DSCAM: variants seen among roughly 807,000 people sequenced by gnomAD.
DSCAM encodes DS cell adhesion molecule, also known as cell adhesion molecule DSCAM.
In DSCAM, 47 loss-of-function variants were observed where a neutral mutation model predicts 217.7. The observed-to-expected ratio is 0.22, with a 90% confidence interval of 0.17 to 0.28. DSCAM has a LOEUF of 0.28. DSCAM is among the 10% of genes least tolerant of loss of function. DSCAM has a pLI of 1.00. For synonymous variants in DSCAM, 1,056 were observed against 1,015.3 expected (o/e 1.04, Z -0.76); for missense variants, 2,080 against 2,618.3 (o/e 0.79, Z 4.49).
intron 3 of DSCAM, among the ~76,000 whole-genome samples, chr21:40,538,057 A>C (rs1467423457): frequency 6.6e-6 from 1 of 152,142 alleles, no homozygotes; most frequent in Non-Finnish European, 1.5e-5. Flanking sequence ...GAGAATGAGT[A>C]AAGGGATGGA....
At chr21:40,096,566 T>C (rs1487701526) in intron 20 of DSCAM, among the ~76,000 whole-genome samples, 1 of 152,042 alleles carries the variant, frequency 6.6e-6, no homozygotes, top group Admixed American at 6.6e-5. Flanking sequence ...AACATGCACA[T>C]AGTGGAGTTC....
At chr21:40,654,761 C>T (rs2090054786) in intron 3 of DSCAM, among the ~76,000 whole-genome samples, 1 of 152,146 alleles carries the variant, frequency 6.6e-6, no homozygotes, top group African/African-American at 2.4e-5. Flanking sequence ...CTTATAATGA[C>T]CCTTGAACAA....
intron 14 of DSCAM, among the ~76,000 whole-genome samples, chr21:40,184,023 T>C (rs955244160): frequency 1.3e-5 from 2 of 152,082 alleles, no homozygotes; most frequent in African/African-American, 2.4e-5. Context: ...CTATGGCCCA[T>C]AGGGGGACAA....
chr21:40,125,640 GA>G (rs1338396740), intron 19 of DSCAM, among the ~76,000 whole-genome samples: 1 of 152,176 alleles, frequency 6.6e-6, no homozygotes, highest in East Asian at 1.9e-4. Flanking sequence ...GTCACCATTT[GA>G]AAATATAAAA....
rs1555896566 is a variant in DSCAM, at chr21:40,266,647, A to ATATATATATATATT, written c.2356+9449_2356+9450insAATATATATATATA. Among the ~76,000 whole-genome samples, 1,038 of 116,136 alleles carry ATATATATATATATT rather than the reference A, an allele frequency of 8.9e-3. 27 individuals are homozygous for ATATATATATATATT. The highest frequency in any genetic ancestry group is 0.038 in the African/African-American group (940 of 25,022). 76.2% of individuals were successfully genotyped at this position (116,136 alleles called of 152,430 possible). A position where few individuals can be genotyped will look rare whatever the true frequency, so the allele number is the denominator to read the frequency against. ...GGACAAAGATGTTTTATATATATAT[A>ATATATATATATATT]TATATATATATATATATATATATAA... On this transcript the variant is annotated intron_variant, in intron 11 of 32. Coordinates refer to ENST00000400454, the MANE Select transcript of DSCAM (RefSeq NM_001389.5).
At chr21:40,623,467 G>A (rs1038491216) in intron 3 of DSCAM, among the ~76,000 whole-genome samples, 2 of 152,180 alleles carry the variant, frequency 1.3e-5, no homozygotes, top group Non-Finnish European at 2.9e-5. Context: ...ATTCCAAACT[G>A]GATCAAAGAG....
chr21:40,633,553 T>C (rs2089719367), intron 3 of DSCAM, among the ~76,000 whole-genome samples: 1 of 152,200 alleles, frequency 6.6e-6, no homozygotes, highest in South Asian at 2.1e-4. Context: ...TTAAAGAATG[T>C]GTTAACTTCA....
At position 40,617,802 on chromosome 21, in the gene DSCAM, A is replaced by G. The variant is rs2089424729; in HGVS notation, c.508+75008T>C. Among the ~76,000 whole-genome samples the G allele has an allele frequency of 2.0e-5, 3 of 152,234 alleles. No homozygotes were observed. The South Asian group carries it at 6.2e-4, about 32-fold the overall frequency. ...AAGAAGCTAGGTCAGGTGTCCATAG[A>G]GTAGCTACAAGCACATCTAGAAATA... On this transcript the variant is annotated intron_variant, in intron 3 of 32. Transcript: ENST00000400454.
In DSCAM at chr21:40,332,533, C is replaced by T. The variant is rs550766055; in HGVS notation, c.1783+5568G>A. ...TTTATCCAGCAGCCAATTAACTTTC[C>T]TGGCAGTGTTGATCCCCAGCAATTA... On this transcript the variant is annotated intron_variant, in intron 8 of 32. Transcript: ENST00000400454. Among the ~76,000 whole-genome samples, 58 of 152,246 alleles carry T rather than the reference C, an allele frequency of 3.8e-4. No homozygotes were observed. The South Asian group carries it at 0.011, about 29-fold the overall frequency.
At chr21:40,831,673 C>T (rs1002441598) in intron 1 of DSCAM, among the ~76,000 whole-genome samples, 2 of 152,144 alleles carry the variant, frequency 1.3e-5, no homozygotes, top group Non-Finnish European at 2.9e-5. Context: ...GGGAAAGATT[C>T]TATCCTGTAA....
intron 4 of DSCAM, among the ~76,000 whole-genome samples, chr21:40,359,795 C>T (rs1278991618): frequency 6.6e-6 from 1 of 152,122 alleles, no homozygotes; most frequent in Non-Finnish European, 1.5e-5. Context: ...TGGGGATGGA[C>T]ATTGAAATTG....
intron 3 of DSCAM, among the ~76,000 whole-genome samples, chr21:40,655,033 T>G (rs1847824707): frequency 6.6e-6 from 1 of 152,066 alleles, no homozygotes; most frequent in Non-Finnish European, 1.5e-5. Flanking sequence ...TACTAGGTAA[T>G]CACTAGCTAG....
Position 40,183,097 on chromosome 21 carries a change from G to A in DSCAM, c.2780-4003C>T, listed in dbSNP as rs1234794529. Among the ~76,000 whole-genome samples the A allele has an allele frequency of 9.0e-5, 8 of 88,896 alleles. 2 individuals carry two copies. Among genetic ancestry groups the A allele is most frequent in the African/African-American group, 4.1e-4 (8 of 19,454 alleles). The allele number at this position is 88,896 out of a possible 152,430, so 58.3% of individuals were successfully genotyped here. A position where few individuals can be genotyped will look rare whatever the true frequency, so the allele number is the denominator to read the frequency against. On this transcript the variant is annotated intron_variant, in intron 14 of 32. Transcript: ENST00000400454. Reference sequence around the variant, plus strand: ...GGGGCTACCAGAGAAACCGTGGACGGGGGGGGTTACCAGAGAAACCGTGGA... The same window carrying A: ...GGGGCTACCAGAGAAACCGTGGACGAGGGGGGTTACCAGAGAAACCGTGGA...
intron 3 of DSCAM, among the ~76,000 whole-genome samples, chr21:40,620,388 GAA>G (rs1568942782): frequency 1.5e-5 from 1 of 68,370 alleles, no homozygotes; most frequent in African/African-American, 4.4e-5. Context: ...GAAAGAAAGA[GAA>G]AGAAAGAAAG....
chr21:40,524,843 T>C (rs1232751872), intron 3 of DSCAM, among the ~76,000 whole-genome samples: 1 of 151,754 alleles, frequency 6.6e-6, no homozygotes, highest in African/African-American at 2.4e-5. Flanking sequence ...ACCCTGTCTC[T>C]ACTAAAAAAT....
At chr21:40,605,976 T>C (rs565173912) in intron 3 of DSCAM, among the ~76,000 whole-genome samples, 1 of 151,784 alleles carries the variant, frequency 6.6e-6, no homozygotes, top group Non-Finnish European at 1.5e-5. Context: ...AATTTTTGTA[T>C]TTTTAGTAGA....
At chr21:40,403,775 G>C (rs2075258838) in intron 3 of DSCAM, among the ~76,000 whole-genome samples, 1 of 152,140 alleles carries the variant, frequency 6.6e-6, no homozygotes, top group Non-Finnish European at 1.5e-5. Flanking sequence ...CCCTAGACTT[G>C]AATGGCTGAT....
At chr21:40,634,286 C>T (rs369645709) in intron 3 of DSCAM, among the ~76,000 whole-genome samples, 5 of 152,114 alleles carry the variant, frequency 3.3e-5, no homozygotes, top group African/African-American at 7.2e-5. Context: ...TTGTTCTGTC[C>T]GTAATTTTTG....
intron 6 of DSCAM, among the ~76,000 whole-genome samples, chr21:40,343,831 ATTTT>A (rs1340704817): frequency 2.7e-5 from 4 of 150,280 alleles, no homozygotes; most frequent in African/African-American, 9.7e-5. Context: ...ATTTTACTTT[ATTTT>A]ATTTATTATT....
Sources: gnomAD v4.1 joint callset for allele counts (sites outside exome capture counted in the v4.1 genomes callset) on GRCh38, gnomAD v4.1.1 for gene constraint, MANE v1.5 for transcripts, NCBI Gene and HGNC (gene_info 2026-07-23, HGNC 2026-07-21) for gene names.